CPNE5: variants seen among roughly 807,000 people sequenced by gnomAD.
The protein encoded by CPNE5 is copine 5, also known as copine-5.
In CPNE5, 42 loss-of-function variants were observed where a neutral mutation model predicts 81.1. The ratio of observed to expected loss-of-function variants is 0.52; its 90% CI spans 0.40 to 0.67. The LOEUF is 0.67. CPNE5 is among the 30% of genes least tolerant of loss of function. The pLI, the probability that CPNE5 is intolerant of heterozygous loss-of-function variation, is 0.00. For missense variants in CPNE5, 612 were observed against 815.5 expected (o/e 0.75, Z 3.04); for synonymous variants, 313 against 321.5 (o/e 0.97, Z 0.28).
chr6:36,803,901 G>C (rs1770354516), intron 3 of CPNE5, among the ~76,000 whole-genome samples: 1 of 152,150 alleles, frequency 6.6e-6, no homozygotes, highest in Non-Finnish European at 1.5e-5. Flanking sequence ...CTTTTTTAAA[G>C]TTCCCTAGGT....
intron 13 of CPNE5, chr6:36,755,510 CAT>C (rs1491211602): frequency 2.3e-5 from 3 of 132,690 alleles, no homozygotes; most frequent in Non-Finnish European, 4.8e-5. Context: ...CACACACAGG[CAT>C]GTGTGTGTGT....
intron 3 of CPNE5, among the ~76,000 whole-genome samples, chr6:36,804,923 G>A (rs76188711): frequency 0.016 from 2,502 of 152,256 alleles, 66 homozygotes; most frequent in African/African-American, 0.054. Flanking sequence ...TAGTTAAGAC[G>A]TGCAGATCAC....
At chr6:36,788,770 G>A (rs557622007) in intron 8 of CPNE5, among the ~76,000 whole-genome samples, 1 of 152,176 alleles carries the variant, frequency 6.6e-6, no homozygotes, top group Non-Finnish European at 1.5e-5. Flanking sequence ...CCATTCGATA[G>A]TATTTGGATC....
intron 12 of CPNE5, among the ~76,000 whole-genome samples, chr6:36,761,959 G>A (rs188291184): frequency 2.3e-4 from 35 of 152,222 alleles, no homozygotes; most frequent in Middle Eastern, 3.4e-3. Context: ...ATTGCAAAAG[G>A]GAGAGCACAC....
At chr6:36,836,583 G>T (rs1773523587) in intron 1 of CPNE5, among the ~76,000 whole-genome samples, 1 of 152,172 alleles carries the variant, frequency 6.6e-6, no homozygotes, top group South Asian at 2.1e-4. Flanking sequence ...GTGTCACTCA[G>T]ATGCCCAGGG....
chr6:36,748,755 A>G (rs1441442911), intron 14 of CPNE5, among the ~76,000 whole-genome samples: 4 of 152,174 alleles, frequency 2.6e-5, no homozygotes, highest in Non-Finnish European at 4.4e-5. Context: ...ATTCTGATTG[A>G]GGCTCCAGAG....
chr6:36,825,126 TC>T (rs1201291446), intron 1 of CPNE5, among the ~76,000 whole-genome samples: 4 of 151,970 alleles, frequency 2.6e-5, no homozygotes, highest in Non-Finnish European at 5.9e-5. Flanking sequence ...TGAGTCAGTG[TC>T]ACCAAAGCCC....
chr6:36,834,127 T>TG (rs1419290429), intron 1 of CPNE5, among the ~76,000 whole-genome samples: 1 of 150,644 alleles, frequency 6.6e-6, no homozygotes, highest in Non-Finnish European at 1.5e-5. Flanking sequence ...TGGTGGTGTG[T>TG]GTGCGCCTGT....
At chr6:36,768,222 G>GTTTTTTTTTTTTTTT (rs1554198661) in intron 10 of CPNE5, among the ~76,000 whole-genome samples, 3 of 43,570 alleles carry the variant, frequency 6.9e-5, no homozygotes, top group South Asian at 8.0e-4. Flanking sequence ...TCTATTCACA[G>GTTTTTTTTTTTTTTT]TTCTTTTTTT....
At chr6:36,822,058 A>G in intron 3 of CPNE5, 56 bp downstream of exon 3, 1 of 1,455,488 alleles carries the variant, frequency 6.9e-7, no homozygotes, top group Non-Finnish European at 9.2e-7. Context: ...AATTAGAGAC[A>G]GACAGGCAGA....
intron 10 of CPNE5, among the ~76,000 whole-genome samples, chr6:36,773,055 T>A (rs1290422154): frequency 3.3e-5 from 5 of 151,888 alleles, no homozygotes; most frequent in Middle Eastern, 6.8e-3. Flanking sequence ...AATTTTTAAA[T>A]TTTTTTTTGT....
intron 12 of CPNE5, chr6:36,757,409 C>G: frequency 1.0e-6 from 1 of 977,878 alleles, no homozygotes; most frequent in Non-Finnish European, 1.2e-6. Flanking sequence ...CTATCTACTT[C>G]CAGCAAGAAG....
At chr6:36,745,209 CT>C (rs1764010480) in intron 17 of CPNE5, 59 bp from the exon 18 acceptor site, 1 of 1,498,302 alleles carries the variant, frequency 6.7e-7, no homozygotes, top group Non-Finnish European at 9.2e-7. Flanking sequence ...ATGTTCCCCC[CT>C]AAACAAGGAC....
At position 36,789,052 on chromosome 6, in the gene CPNE5, A is replaced by G. The variant is rs561367733; in HGVS notation, c.528+2981T>C. Among the ~76,000 whole-genome samples, 5 of 152,356 alleles carry G rather than the reference A, an allele frequency of 3.3e-5. No individual in the cohort carries two copies. In the East Asian group the frequency reaches 9.6e-4, roughly 29 times the overall value. Reference sequence around the variant, plus strand: ...TCCCACTGAATGCTGAGCTGGAAAGACGAAGCAAAGCTGTTCAGATGTAAT... The same window carrying G: ...TCCCACTGAATGCTGAGCTGGAAAGGCGAAGCAAAGCTGTTCAGATGTAAT... On this transcript the variant is annotated intron_variant, in intron 8 of 20. Coordinates refer to ENST00000244751, the MANE Select transcript of CPNE5 (RefSeq NM_020939.2).
In CPNE5 at chr6:36,775,168, C is replaced by T. The variant is rs369113811; in HGVS notation, c.633-103G>A. On this transcript the variant is annotated intron_variant, in intron 9 of 20. Coordinates refer to ENST00000244751, the MANE Select transcript of CPNE5 (RefSeq NM_020939.2). ...CTGGTTCACATCTCTGGTTCCTGGACGACGGAAATGATGGCTTCAAAAGGT... is the reference window on the plus strand; with the variant it reads ...CTGGTTCACATCTCTGGTTCCTGGATGACGGAAATGATGGCTTCAAAAGGT... 143 of 810,814 alleles carry T rather than the reference C, an allele frequency of 1.8e-4. 2 individuals are homozygous for T. The highest frequency in any genetic ancestry group is 1.7e-3 in the South Asian group (111 of 66,184). 50.2% of individuals were successfully genotyped at this position (810,814 alleles called of 1,614,324 possible).
At position 36,822,164 on chromosome 6, in the gene CPNE5, CG is replaced by C. The variant is rs3842097; in HGVS notation, c.137-5del. ...CCTTGGGTATACATGACGCACACTG[CG>C]GGGGGAGGAGAAACAGTGGATTAAT... On this transcript the variant is annotated splice_region_variant and splice_polypyrimidine_tract_variant and intron_variant, in intron 2 of 20. Transcript: ENST00000244751. 2 of 1,499,816 alleles carry C rather than the reference CG, an allele frequency of 1.3e-6. No homozygotes were observed. The highest frequency in any genetic ancestry group is 1.3e-5 in the South Asian group (1 of 77,540). The allele number at this position is 1,499,816 out of a possible 1,614,324, so 92.9% of individuals were successfully genotyped here. A position where few individuals can be genotyped will look rare whatever the true frequency, so the allele number is the denominator to read the frequency against.
chr6:36,793,431 A>C (rs1451391640), intron 7 of CPNE5, among the ~76,000 whole-genome samples: 3 of 152,072 alleles, frequency 2.0e-5, no homozygotes, highest in Non-Finnish European at 4.4e-5. Flanking sequence ...CTGGTCCTCC[A>C]TGGTAGTAAA....
At chr6:36,755,510 C>CAT (rs1765324182) in intron 13 of CPNE5, 2 of 132,690 alleles carry the variant, frequency 1.5e-5, no homozygotes, top group Admixed American at 7.7e-5. Context: ...CACACACAGG[C>CAT]ATGTGTGTGT....
intron 7 of CPNE5, 54 bp downstream of exon 7, chr6:36,794,536 C>CAG (rs1769394167): frequency 1.3e-6 from 2 of 1,548,524 alleles, no homozygotes; most frequent in Non-Finnish European, 1.8e-6. Context: ...GCCCCCTTTG[C>CAG]AGAGCTGGCT....
Sources: gnomAD v4.1 joint callset for allele counts (sites outside exome capture counted in the v4.1 genomes callset) on GRCh38, gnomAD v4.1.1 for gene constraint, MANE v1.5 for transcripts, NCBI Gene and HGNC (gene_info 2026-07-23, HGNC 2026-07-21) for gene names.